Variants in ADAMTS8 observed in about 807,000 individuals in gnomAD.
ADAMTS8 encodes ADAM metallopeptidase with thrombospondin type 1 motif 8, also known as A disintegrin and metalloproteinase with thrombospondin motifs 8.
Under a neutral mutation model 64.4 loss-of-function variants are expected in ADAMTS8, and 50 were observed. The observed-to-expected ratio is 0.78, with a 90% CI of 0.62 to 0.98. The LOEUF (loss-of-function observed/expected upper bound fraction) is 0.98. ADAMTS8 is among the 50% of genes least tolerant of loss of function. The probability of loss-of-function intolerance (pLI) is 0.00; values close to 1 mark genes in which losing one functional copy is unlikely to be tolerated. For missense variants in ADAMTS8, 1,192 were observed against 1,208.2 expected, an observed-to-expected ratio of 0.99 and a Z score of 0.20; for synonymous variants, 556 against 533.6, an observed-to-expected ratio of 1.04 and a Z score of -0.58.
chr11:130,405,775 C>T lies in ADAMTS8; in HGVS notation c.2453G>A (p.Ser818Asn). 1 of 1,614,140 alleles carries T rather than the reference C, an allele frequency of 6.2e-7. No individual in the cohort carries two copies. The highest frequency in any genetic ancestry group is 8.5e-7 in the Non-Finnish European group (1 of 1,180,046). The stretch of plus-strand genomic sequence containing the variant: ...GTTGGTGGTTGCTCTCTCTTTGCTG[C>T]TCTGCATGCTAAAGTCCACGTCATT... ...VPNDVDFSMQ[S>N]SKERATTNII... The change falls in exon 9 of 9, where the codon AGC (serine) becomes AAC (asparagine). Residue 818 changes from serine to asparagine, a missense_variant. Physicochemically the swap from Ser to Asn is conservative, Grantham distance 46 (BLOSUM62 1). Transcript: ENST00000257359.
Position 130,416,420 on chromosome 11 carries a change from G to A in ADAMTS8, c.1097-90C>T. ...AGGGACAGAGATGGAGCTCCTCAGG[G>A]GAGCAGCCACCCCCTCACTCTCCGA... On this transcript the variant is annotated intron_variant, in intron 3 of 8. Transcript: ENST00000257359. The surrounding 1 kb of genome is among the most constrained non-coding windows in gnomAD (Gnocchi z 4.8). 7.2e-7 allele frequency: 1 copy of A among 1,382,962 alleles called. No individual in the cohort carries two copies. The allele number at this position is 1,382,962 out of a possible 1,614,324, so 85.7% of individuals were successfully genotyped here. A position where few individuals can be genotyped will look rare whatever the true frequency, so the allele number is the denominator to read the frequency against.
chr11:130,428,363 C>A lies in ADAMTS8; in HGVS notation c.-77G>T. On this transcript the variant is annotated 5_prime_UTR_variant, in exon 1 of 9. Coordinates refer to ENST00000257359, the MANE Select transcript of ADAMTS8 (RefSeq NM_007037.6). ...CGGGCAGGTGCTGGCGGCCCGAGCG[C>A]GGCCCGGCCGCTCTCTCCAGGAAAA... The A allele has an allele frequency of 1.6e-6, 2 of 1,222,968 alleles. No individual in the cohort carries two copies. The highest frequency in any genetic ancestry group is 1.0e-6 in the Non-Finnish European group (1 of 970,710). The allele number at this position is 1,222,968 out of a possible 1,614,324, so 75.8% of individuals were successfully genotyped here.
In ADAMTS8 at chr11:130,427,548, A is replaced by G. The variant is rs1592136656; in HGVS notation, c.720+19T>C. ...GGGGGCCTCCGGGCACGGCGGCTGG[A>G]GGAGGCTCTCAGTCCTACCTGCAGG... On this transcript the variant is annotated intron_variant, in intron 1 of 8. Transcript: ENST00000257359. 1 of 1,497,148 alleles carries G rather than the reference A, an allele frequency of 6.7e-7. No individual in the cohort carries two copies. Among genetic ancestry groups the G allele is most frequent in the Non-Finnish European group, 8.8e-7 (1 of 1,131,728 alleles). 92.7% of individuals were successfully genotyped at this position (1,497,148 alleles called of 1,614,324 possible).
At chr11:130,420,944 T>A (rs777970183) in intron 1 of ADAMTS8, among the ~76,000 whole-genome samples, 1 of 152,060 alleles carries the variant, frequency 6.6e-6, no homozygotes, top group Non-Finnish European at 1.5e-5. Context: ...GCCAACAGTA[T>A]CCTGATCTCT....
rs759735141 is a variant in ADAMTS8 at position 130,405,827 on chromosome 11, T to TA, written c.2400_2401insT (p.Lys801Ter). On this transcript the variant is annotated frameshift_variant, in exon 9 of 9. Coordinates refer to ENST00000257359, the MANE Select transcript of ADAMTS8 (RefSeq NM_007037.6). LOFTEE classifies it low-confidence loss of function (END_TRUNC). ...GGAACAAAGAAGGTGTATTTGACTTTTGGGGGGAAGACCTCGCCAGGGACT... is the reference window on the plus strand; with the variant it reads ...GGAACAAAGAAGGTGTATTTGACTTTATGGGGGGAAGACCTCGCCAGGGACT... 1 of 1,613,988 alleles carries TA rather than the reference T, an allele frequency of 6.2e-7. No individual in the cohort carries two copies. Among genetic ancestry groups the TA allele is most frequent in the South Asian group, 1.1e-5 (1 of 91,082 alleles).
At position 130,428,368 on chromosome 11, in the gene ADAMTS8, CG is replaced by C. The variant is rs1862212388; in HGVS notation, c.-83del. 8.2e-7 allele frequency: 1 copy of C among 1,216,750 alleles called. No homozygotes were observed. Among genetic ancestry groups the C allele is most frequent in the African/African-American group, 1.6e-5 (1 of 62,020 alleles). The allele number at this position is 1,216,750 out of a possible 1,614,324, so 75.4% of individuals were successfully genotyped here. On this transcript the variant is annotated 5_prime_UTR_variant, in exon 1 of 9. Transcript: ENST00000257359. The stretch of plus-strand genomic sequence containing the variant: ...AGGTGCTGGCGGCCCGAGCGCGGCC[CG>C]GCCGCTCTCTCCAGGAAAAGCGGAA...
intron 2 of ADAMTS8, 93 bp from the exon 3 acceptor site, chr11:130,417,168 G>A (rs1862038002): frequency 2.0e-6 from 3 of 1,536,800 alleles, no homozygotes; most frequent in Non-Finnish European, 2.7e-6. Flanking sequence ...CGTGCACGTG[G>A]GAGTGGACCA....
chr11:130,420,503 C>G (rs770914922), intron 1 of ADAMTS8, among the ~76,000 whole-genome samples: 30 of 152,124 alleles, frequency 2.0e-4, no homozygotes, highest in Non-Finnish European at 3.8e-4. Flanking sequence ...CCCTGCCTCT[C>G]CGATCCCTAG....
chr11:130,408,996 C>T (rs749343851), intron 6 of ADAMTS8, 56 bp from the exon 7 acceptor site: 11 of 1,496,738 alleles, frequency 7.3e-6, no homozygotes, highest in Middle Eastern at 3.6e-4. Context: ...CAGGAGCATC[C>T]GGTGGAGAAA....
intron 1 of ADAMTS8, 115 bp from the exon 2 acceptor site, chr11:130,419,407 A>T: frequency 7.0e-7 from 1 of 1,426,718 alleles, no homozygotes. Flanking sequence ...GATTCCTACC[A>T]AAGCCTCACA....
rs1861999235 is a variant in ADAMTS8 at position 130,414,754 on chromosome 11, A to G, written c.1343T>C (p.Leu448Pro). ...AAAGATCTGCCTGCACTGCTGGTCC[A>G]GCTGGTACAGGGCCATGCGGCCCGG... Reference protein sequence around the residue: ...GLPGRMALYQLDQQCRQIFGP... With the variant: ...GLPGRMALYQPDQQCRQIFGP... The change falls in exon 5 of 9, where the codon CTG (leucine) becomes CCG (proline). Residue 448 changes from leucine (L) to proline (P), a missense_variant. Around this residue, in one of 5 missense-constraint regions of ADAMTS8, gnomAD observed 741 missense variants for 710.6 expected, o/e 1.04. Coordinates refer to ENST00000257359, the MANE Select transcript of ADAMTS8 (RefSeq NM_007037.6). The G allele has an allele frequency of 1.2e-6, 2 of 1,613,548 alleles. No homozygotes were observed. The highest frequency in any genetic ancestry group is 1.7e-6 in the Non-Finnish European group (2 of 1,180,032).
chr11:130,407,983 A>C (rs1316725751), intron 8 of ADAMTS8, among the ~76,000 whole-genome samples: 1 of 152,138 alleles, frequency 6.6e-6, no homozygotes, highest in Admixed American at 6.5e-5. Context: ...TCTCAGATTC[A>C]TGAAAGCCCT....
At chr11:130,417,576 G>A (rs897443529) in intron 2 of ADAMTS8, among the ~76,000 whole-genome samples, 10 of 152,058 alleles carry the variant, frequency 6.6e-5, no homozygotes, top group East Asian at 1.9e-4. Context: ...CTTTAGAGAC[G>A]AGGTCTGGCT....
At chr11:130,412,163 A>G (rs1341019910) in intron 5 of ADAMTS8, 1 of 152,948 alleles carries the variant, frequency 6.5e-6, no homozygotes, top group Non-Finnish European at 1.5e-5. Context: ...GTGTTGCCAT[A>G]GTCTACCAGC....
chr11:130,408,989 G>A (rs767343834), intron 6 of ADAMTS8, 49 bp from the exon 7 acceptor site: 63 of 1,500,346 alleles, frequency 4.2e-5, no homozygotes, highest in Non-Finnish European at 5.6e-5. Flanking sequence ...GCGGAAGCAG[G>A]AGCATCCGGT....
intron 8 of ADAMTS8, among the ~76,000 whole-genome samples, chr11:130,406,366 G>A (rs1206315380): frequency 6.6e-6 from 1 of 152,222 alleles, no homozygotes; most frequent in Non-Finnish European, 1.5e-5. Flanking sequence ...CAAAAGTGTG[G>A]TTGAGGAGTT....
Position 130,411,675 on chromosome 11 carries a change from A to G in ADAMTS8, c.1567-75T>C, listed in dbSNP as rs2134677048. ...CAGTATCTGTGTCACTGGGTGGCCA[A>G]TGCCCTGGCTTCCTCATCTAGTCAT... On this transcript the variant is annotated intron_variant, in intron 5 of 8. Coordinates refer to ENST00000257359, the MANE Select transcript of ADAMTS8 (RefSeq NM_007037.6). This position sits in a 1 kb window ranked among gnomAD's most constrained non-coding sequence, Gnocchi z 4.2. 2.7e-6 allele frequency: 4 copies of G among 1,484,372 alleles called. No individual in the cohort carries two copies. Among genetic ancestry groups the G allele is most frequent in the East Asian group, 2.3e-5 (1 of 43,984 alleles). The allele number at this position is 1,484,372 out of a possible 1,614,324, so 92.0% of individuals were successfully genotyped here. A position where few individuals can be genotyped will look rare whatever the true frequency, so the allele number is the denominator to read the frequency against.
At chr11:130,426,344 T>C (rs1312002659) in intron 1 of ADAMTS8, among the ~76,000 whole-genome samples, 1 of 152,226 alleles carries the variant, frequency 6.6e-6, no homozygotes, top group East Asian at 1.9e-4. Flanking sequence ...GTCTGGACTA[T>C]TCTGCACAGG....
At chr11:130,420,253 C>T (rs1358501297) in intron 1 of ADAMTS8, among the ~76,000 whole-genome samples, 1 of 152,190 alleles carries the variant, frequency 6.6e-6, no homozygotes, top group African/African-American at 2.4e-5. Flanking sequence ...GCTCTCCCTT[C>T]CACCCAGGCT....
Sources: allele counts gnomAD v4.1 joint callset (sites outside exome capture counted in the v4.1 genomes callset), GRCh38; gene constraint gnomAD v4.1.1; regional missense constraint gnomAD v4.1.1; non-coding constraint Gnocchi (gnomAD v3.1); transcripts MANE v1.5; gene names NCBI Gene and HGNC (gene_info 2026-07-23, HGNC 2026-07-21).